Variants in FRMD4B observed in about 807,000 individuals in gnomAD.
FRMD4B encodes the protein FERM domain-containing protein 4B.
Under a neutral mutation model 141.5 loss-of-function variants are expected in FRMD4B, and 74 were observed. The ratio of observed to expected loss-of-function variants is 0.52; its 90% CI spans 0.43 to 0.63. The LOEUF (loss-of-function observed/expected upper bound fraction) is 0.63, where lower values mean the gene tolerates loss of function less well. FRMD4B is among the 30% of genes least tolerant of loss of function. The pLI, the probability that FRMD4B is intolerant of heterozygous loss-of-function variation, is 0.00. For missense variants in FRMD4B, 1,366 were observed against 1,253.4 expected (o/e 1.09, Z -1.36); for synonymous variants, 506 against 467.9 (o/e 1.08, Z -1.05).
At position 69,224,632 on chromosome 3, in the gene FRMD4B, G is replaced by T; in HGVS notation, c.640C>A (p.Gln214Lys). Residue 214 changes from glutamine (Q) to lysine (K), a missense_variant, in exon 8 of 23, where the codon CAG becomes AAG. By Grantham distance (53) the Gln-to-Lys change is moderately conservative. Coordinates refer to ENST00000398540, the MANE Select transcript of FRMD4B (RefSeq NM_015123.3). ...CAGTAGGCAAGGGATGGATGCTCCT[G>T]AAGAGTTTTGGTTGGAAAGGCTGGT... Reference protein sequence around the residue: ...TLPAFPTKTLQEHPSLAYCED... With the variant: ...TLPAFPTKTLKEHPSLAYCED... The T allele has an allele frequency of 6.3e-7, 1 of 1,582,980 alleles. No individual in the cohort carries two copies. The highest frequency in any genetic ancestry group is 8.6e-7 in the Non-Finnish European group (1 of 1,156,710).
chr3:69,527,384 T>C lies in FRMD4B; in HGVS notation c.-129+14822A>G, dbSNP rs764661539. On this transcript the variant is annotated intron_variant, in intron 1 of 5. Coordinates refer to the FRMD4B transcript ENST00000459638. ...CAAGCACCTGCTGCTTCTTGGTGAG[T>C]GAGTGGAGGTCCCGAAAAGGAGGAA... 3.4e-4 allele frequency among the ~76,000 whole-genome samples: 51 copies of C among 152,134 alleles called. 1 individual carries two copies. Among genetic ancestry groups the C allele is most frequent in the Middle Eastern group, 6.8e-3 (2 of 294 alleles).
At chr3:69,515,989 G>C (rs562275218) in intron 1 of FRMD4B, among the ~76,000 whole-genome samples, 77 of 152,184 alleles carry the variant, frequency 5.1e-4, no homozygotes, top group African/African-American at 1.8e-3. Context: ...GCTTTGTGAG[G>C]GTGACGCAGG....
chr3:69,407,998 C>T (rs983798184), intron 2 of FRMD4B, among the ~76,000 whole-genome samples: 1 of 152,088 alleles, frequency 6.6e-6, no homozygotes, highest in African/African-American at 2.4e-5. Flanking sequence ...GCTCAGCACA[C>T]TTTTTAAAAA....
intron 5 of FRMD4B, among the ~76,000 whole-genome samples, chr3:69,258,766 C>T (rs2093508236): frequency 6.6e-6 from 1 of 152,132 alleles, no homozygotes; most frequent in Non-Finnish European, 1.5e-5. Context: ...TTGACATGCC[C>T]TTCTCCTAGT....
chr3:69,331,022 T>A (rs1474441357), intron 1 of FRMD4B, among the ~76,000 whole-genome samples: 2 of 151,312 alleles, frequency 1.3e-5, no homozygotes, highest in Non-Finnish European at 2.9e-5. Context: ...TCTGCCTCCA[T>A]CAGAAGGAAC....
At chr3:69,254,030 T>C (rs900568929) in intron 5 of FRMD4B, among the ~76,000 whole-genome samples, 2 of 152,142 alleles carry the variant, frequency 1.3e-5, no homozygotes, top group Non-Finnish European at 2.9e-5. Flanking sequence ...CAGTGTGCCA[T>C]GATCATGCCA....
intron 5 of FRMD4B, among the ~76,000 whole-genome samples, chr3:69,265,412 A>C (rs1362342664): frequency 4.1e-5 from 6 of 146,786 alleles, no homozygotes; most frequent in Middle Eastern, 3.5e-3. Flanking sequence ...TTTTATTTTT[A>C]GATGGCTAGA....
chr3:69,386,226 C>G (rs1235929081), upstream of FRMD4B: 5 of 425,812 alleles, frequency 1.2e-5, no homozygotes, highest in Non-Finnish European at 2.1e-5. Context: ...TGTCCACCCC[C>G]GCCCGCTCGC....
chr3:69,288,830 A>G lies in FRMD4B; in HGVS notation c.417-994T>C, dbSNP rs187302994. Among the ~76,000 whole-genome samples, 134 of 152,328 alleles carry G rather than the reference A, an allele frequency of 8.8e-4. 2 individuals are homozygous for G. Among genetic ancestry groups the G allele is most frequent in the African/African-American group, 3.0e-3 (126 of 41,588 alleles). ...GGCTAGGAAGTGGCCAGGTGAACCT[A>G]TCCTTAGCTCTGCGGAATCCTGAGT... On this transcript the variant is annotated intron_variant, in intron 4 of 22. Coordinates refer to ENST00000398540, the MANE Select transcript of FRMD4B (RefSeq NM_015123.3).
chr3:69,243,485 C>T (rs2093402994), intron 7 of FRMD4B, among the ~76,000 whole-genome samples: 1 of 152,058 alleles, frequency 6.6e-6, no homozygotes, highest in South Asian at 2.1e-4. Flanking sequence ...CCTTGAATGC[C>T]AGGTTGTGCT....
At chr3:69,414,952 G>A (rs1437777685) in intron 2 of FRMD4B, among the ~76,000 whole-genome samples, 2 of 131,614 alleles carry the variant, frequency 1.5e-5, no homozygotes, top group African/African-American at 2.9e-5. Flanking sequence ...TGCAACCTCC[G>A]CCTCCCGGGT....
At chr3:69,434,310 C>A (rs1705227334) in intron 1 of FRMD4B, among the ~76,000 whole-genome samples, 1 of 152,164 alleles carries the variant, frequency 6.6e-6, no homozygotes, top group East Asian at 1.9e-4. Flanking sequence ...ATATGCTATG[C>A]CAGGCACATC....
intron 1 of FRMD4B, among the ~76,000 whole-genome samples, chr3:69,506,072 CT>C (rs1262690412): frequency 1.3e-5 from 2 of 152,136 alleles, no homozygotes; most frequent in African/African-American, 4.8e-5. Context: ...ACCTTCACCC[CT>C]GGACACGCTT....
chr3:69,463,945 T>C (rs1705742192), intron 1 of FRMD4B, among the ~76,000 whole-genome samples: 1 of 152,206 alleles, frequency 6.6e-6, no homozygotes, highest in Non-Finnish European at 1.5e-5. Context: ...TGATCACTTA[T>C]TCCCACAGCA....
chr3:69,347,634 C>T (rs1014415176), intron 1 of FRMD4B, among the ~76,000 whole-genome samples: 1 of 152,206 alleles, frequency 6.6e-6, no homozygotes, highest in Non-Finnish European at 1.5e-5. Context: ...CAAACGGTCT[C>T]TCAGACCACA....
intron 1 of FRMD4B, among the ~76,000 whole-genome samples, chr3:69,541,902 C>G (rs1198813384): frequency 2.0e-5 from 3 of 152,012 alleles, no homozygotes; most frequent in African/African-American, 4.8e-5. Flanking sequence ...ACGCGGTCCC[C>G]GGCGGCGCGT....
chr3:69,463,651 G>A (rs1705736780), intron 1 of FRMD4B, among the ~76,000 whole-genome samples: 1 of 152,254 alleles, frequency 6.6e-6, no homozygotes. Flanking sequence ...AGGCAAGGTT[G>A]GGATTTGAGC....
At chr3:69,278,192 A>T (rs1412128016) in intron 5 of FRMD4B, among the ~76,000 whole-genome samples, 7 of 152,210 alleles carry the variant, frequency 4.6e-5, no homozygotes, top group Non-Finnish European at 1.0e-4. Flanking sequence ...CAGTCCATTA[A>T]TAAGTATTGC....
chr3:69,221,891 A>G lies in FRMD4B; in HGVS notation c.698T>C (p.Ile233Thr), dbSNP rs754736128. The G allele has an allele frequency of 1.3e-6, 2 of 1,568,940 alleles. No homozygotes were observed. Among genetic ancestry groups the G allele is most frequent in the South Asian group, 1.1e-5 (1 of 87,520 alleles). ...AGCTTGACCTCGAGTGAGACCTTTG[A>G]TTTTCAAATAATGCTCAATTACCCT... ...EDRVIEHYLK[I>T]KGLTRGQAVV... Residue 233 changes from isoleucine (I) to threonine (T), a missense_variant, in exon 9 of 23, where the codon ATC becomes ACC. Transcript: ENST00000398540.
Sources: gnomAD v4.1 joint callset for allele counts (sites outside exome capture counted in the v4.1 genomes callset) on GRCh38, gnomAD v4.1.1 for gene constraint, MANE v1.5 for transcripts, NCBI Gene and HGNC (gene_info 2026-07-23, HGNC 2026-07-21) for gene names.